SDK1: variants seen among roughly 807,000 people sequenced by gnomAD.
The protein encoded by SDK1 is protein sidekick-1.
SDK1 carries 157 observed loss-of-function variants against 245.5 expected under a neutral mutation model. The observed-to-expected ratio is 0.64, with a 90% CI of 0.56 to 0.73. SDK1 has a LOEUF of 0.73. Among genes scored for constraint, SDK1 ranks in the 30% least tolerant of loss-of-function variants. The pLI is 0.00. For synonymous variants in SDK1, 1,647 were observed against 1,278.5 expected (o/e 1.29, Z -6.15); for missense variants, 3,583 against 3,002.3 (o/e 1.19, Z -4.52).
intron 5 of SDK1, among the ~76,000 whole-genome samples, chr7:3,948,464 G>C (rs892575908): frequency 6.6e-6 from 1 of 152,006 alleles, no homozygotes; most frequent in Non-Finnish European, 1.5e-5. Context: ...GGGTTTCACC[G>C]TGTTAGCCAG....
chr7:4,240,191 GTCC>G (rs962283697), intron 42 of SDK1, among the ~76,000 whole-genome samples: 1 of 152,012 alleles, frequency 6.6e-6, no homozygotes, highest in African/African-American at 2.4e-5. Context: ...GCTTTTCACT[GTCC>G]TCCTCCATCT....
intron 5 of SDK1, among the ~76,000 whole-genome samples, chr7:3,916,378 T>G (rs1300037041): frequency 2.0e-5 from 3 of 152,248 alleles, no homozygotes; most frequent in Non-Finnish European, 4.4e-5. Flanking sequence ...TTTGCATGAC[T>G]CAGTTCCCAG....
intron 4 of SDK1, among the ~76,000 whole-genome samples, chr7:3,673,403 G>C (rs1357748384): frequency 1.3e-5 from 2 of 152,156 alleles, no homozygotes; most frequent in African/African-American, 4.8e-5. Context: ...GAAGGTTTTT[G>C]TTGACTGGCT....
chr7:3,615,132 T>C (rs948158164), intron 1 of SDK1, among the ~76,000 whole-genome samples: 1 of 151,670 alleles, frequency 6.6e-6, no homozygotes, highest in Non-Finnish European at 1.5e-5. Context: ...TTCGAAAAGA[T>C]GTATGTTTTC....
chr7:3,864,297 C>G (rs1255497611), intron 5 of SDK1, among the ~76,000 whole-genome samples: 1 of 152,058 alleles, frequency 6.6e-6, no homozygotes, highest in African/African-American at 2.4e-5. Flanking sequence ...ATTCTGTTCT[C>G]TTTGTTTTTA....
chr7:3,946,503 G>C (rs1374970623), intron 5 of SDK1, among the ~76,000 whole-genome samples: 4 of 151,746 alleles, frequency 2.6e-5, no homozygotes, highest in Non-Finnish European at 5.9e-5. Context: ...CTTGGATAGA[G>C]ACAGGGTTTT....
chr7:3,730,879 C>G (rs1471253375), intron 4 of SDK1, among the ~76,000 whole-genome samples: 2 of 152,106 alleles, frequency 1.3e-5, no homozygotes, highest in Admixed American at 1.3e-4. Flanking sequence ...ACTAGAGACC[C>G]TTTTGCATCT....
chr7:3,314,415 C>G (rs996148201), intron 1 of SDK1, among the ~76,000 whole-genome samples: 1 of 152,124 alleles, frequency 6.6e-6, no homozygotes, highest in Non-Finnish European at 1.5e-5. Context: ...TGGATCTTGG[C>G]CAGCAGAGAG....
chr7:3,690,859 T>C (rs1316561871), intron 4 of SDK1, among the ~76,000 whole-genome samples: 1 of 152,212 alleles, frequency 6.6e-6, no homozygotes, highest in African/African-American at 2.4e-5. Context: ...ATAAGAACTT[T>C]CATAATAGAC....
At position 4,125,949 on chromosome 7, in the gene SDK1, A is replaced by G. The variant is rs568920980; in HGVS notation, c.3824-1432A>G. ...CCCACCCTGAGTCCGGCCTTACTCC[A>G]TCACTCCAGGCTATTTCCCTGGGTA... On this transcript the variant is annotated intron_variant, in intron 25 of 44. Coordinates refer to ENST00000404826, the MANE Select transcript of SDK1 (RefSeq NM_152744.4). 3.3e-5 allele frequency among the ~76,000 whole-genome samples: 5 copies of G among 152,342 alleles called. No homozygotes were observed. In the East Asian group the frequency reaches 9.7e-4, roughly 29 times the overall value.
At chr7:3,763,267 A>C (rs1780159186) in intron 4 of SDK1, among the ~76,000 whole-genome samples, 1 of 152,098 alleles carries the variant, frequency 6.6e-6, no homozygotes, top group Non-Finnish European at 1.5e-5. Flanking sequence ...TCAGTTTTTA[A>C]AATCAAGGCA....
intron 5 of SDK1, among the ~76,000 whole-genome samples, chr7:3,947,253 C>T (rs973375802): frequency 1.3e-5 from 2 of 152,176 alleles, no homozygotes; most frequent in Non-Finnish European, 2.9e-5. Context: ...ACCCTCACCC[C>T]CAATTCTCTT....
chr7:3,835,187 T>G (rs547352305), intron 5 of SDK1, among the ~76,000 whole-genome samples: 2 of 152,348 alleles, frequency 1.3e-5, no homozygotes, highest in East Asian at 3.9e-4. Flanking sequence ...TCACTCTGAC[T>G]CTAAAATTCT....
In SDK1 at chr7:3,556,724, A is replaced by G. The variant is rs543384959; in HGVS notation, c.299-62356A>G. The stretch of plus-strand genomic sequence containing the variant: ...GTAATCCCAGCTACTCTGGAGACTG[A>G]GGCAGGAGGCAGTGAGCCAAGATCA... On this transcript the variant is annotated intron_variant, in intron 1 of 44. Transcript: ENST00000404826. Among the ~76,000 whole-genome samples, 371 of 152,252 alleles carry G rather than the reference A, an allele frequency of 2.4e-3. 3 individuals are homozygous for G. The highest frequency in any genetic ancestry group is 0.018 in the South Asian group (87 of 4,826).
intron 1 of SDK1, among the ~76,000 whole-genome samples, chr7:3,352,742 C>T (rs1044312874): frequency 1.3e-5 from 2 of 151,772 alleles, no homozygotes; most frequent in Non-Finnish European, 2.9e-5. Flanking sequence ...CAGATTATTA[C>T]TGTGTTGGTG....
intron 35 of SDK1, among the ~76,000 whole-genome samples, chr7:4,194,392 A>G (rs529320477): frequency 9.7e-6 from 1 of 102,762 alleles, no homozygotes; most frequent in Admixed American, 8.9e-5. Context: ...GTATACATGT[A>G]TACATATATG....
Position 4,097,125 on chromosome 7 carries a change from G to C in SDK1, c.3325-13538G>C, listed in dbSNP as rs1021757463. Among the ~76,000 whole-genome samples the C allele has an allele frequency of 3.9e-5, 6 of 152,362 alleles. No individual in the cohort carries two copies. In the South Asian group the frequency reaches 6.2e-4, roughly 16 times the overall value. ...TTCCCAGGCTTCACCCAGCTGGGCA[G>C]AGGGTCAGGAGCAGCCCATCTCTGC... On this transcript the variant is annotated intron_variant, in intron 22 of 44. Transcript: ENST00000404826.
intron 26 of SDK1, chr7:4,129,684 T>C (rs1019839942): frequency 7.2e-7 from 1 of 1,393,560 alleles, no homozygotes; most frequent in Non-Finnish European, 9.3e-7. Flanking sequence ...CGCCAAGCCG[T>C]GGGCACTAAC....
At chr7:3,843,426 G>C (rs1297518404) in intron 5 of SDK1, among the ~76,000 whole-genome samples, 2 of 152,152 alleles carry the variant, frequency 1.3e-5, no homozygotes, top group African/African-American at 4.8e-5. Context: ...TTACTATGGA[G>C]AAGAAATTGT....
Sources: allele counts gnomAD v4.1 joint callset (sites outside exome capture counted in the v4.1 genomes callset), GRCh38; gene constraint gnomAD v4.1.1; transcripts MANE v1.5; gene names NCBI Gene and HGNC (gene_info 2026-07-23, HGNC 2026-07-21).